The following NLGN1 variants were observed in gnomAD, a reference collection of about 807,000 sequenced individuals.
The protein encoded by NLGN1 is neuroligin 1.
NLGN1 carries 12 observed loss-of-function variants against 65.5 expected under a neutral mutation model. That is an observed-to-expected ratio of 0.18 (90% CI 0.12 to 0.30). NLGN1 has a LOEUF of 0.30. Ranked by LOEUF, NLGN1 falls within the 10% of genes least tolerant of loss-of-function variation. NLGN1 has a pLI of 1.00. For synonymous variants in NLGN1, 350 were observed against 359.5 expected (o/e 0.97, Z 0.30); for missense variants, 750 against 1,007.1 (o/e 0.74, Z 3.46).
chr3:174,221,617 TA>T (rs1738670579), intron 4 of NLGN1, among the ~76,000 whole-genome samples: 2 of 147,400 alleles, frequency 1.4e-5, no homozygotes, highest in African/African-American at 2.5e-5. Flanking sequence ...TTTTTTTTTC[TA>T]AAAACTGGGG....
intron 4 of NLGN1, among the ~76,000 whole-genome samples, chr3:174,087,216 C>T (rs1033781256): frequency 2.0e-5 from 3 of 152,080 alleles, no homozygotes; most frequent in South Asian, 4.1e-4. Context: ...CAACAAACCC[C>T]GTGACATGAG....
chr3:173,902,431 A>T (rs1451499208), intron 4 of NLGN1, among the ~76,000 whole-genome samples: 1 of 152,156 alleles, frequency 6.6e-6, no homozygotes, highest in Non-Finnish European at 1.5e-5. Context: ...GGATTTTAAA[A>T]ATGTGATATC....
intron 4 of NLGN1, among the ~76,000 whole-genome samples, chr3:174,134,803 G>A (rs900754520): frequency 8.5e-5 from 13 of 152,118 alleles, no homozygotes; most frequent in Non-Finnish European, 4.4e-5. Context: ...CTGACCAGTG[G>A]AGACACAAGT....
chr3:173,423,292 C>T (rs1488920322), intron 1 of NLGN1, among the ~76,000 whole-genome samples: 2 of 152,170 alleles, frequency 1.3e-5, no homozygotes, highest in African/African-American at 2.4e-5. Flanking sequence ...TCATTCTGCC[C>T]TTGGCTCCTC....
chr3:173,450,735 G>T (rs1029305292), intron 2 of NLGN1, among the ~76,000 whole-genome samples: 3 of 152,070 alleles, frequency 2.0e-5, no homozygotes, highest in Non-Finnish European at 4.4e-5. Context: ...ACATAGTCCC[G>T]TATTTCTTGG....
intron 3 of NLGN1, among the ~76,000 whole-genome samples, chr3:173,795,460 T>G (rs78593790): frequency 2.2e-4 from 34 of 152,288 alleles, no homozygotes; most frequent in African/African-American, 7.9e-4. Context: ...ATAAATATAG[T>G]AATATCAAAT....
At chr3:173,500,512 T>C (rs192279344) in intron 2 of NLGN1, among the ~76,000 whole-genome samples, 2 of 152,158 alleles carry the variant, frequency 1.3e-5, no homozygotes, top group Non-Finnish European at 2.9e-5. Context: ...TCTAAAATTC[T>C]CTTTTTTTTG....
intron 4 of NLGN1, among the ~76,000 whole-genome samples, chr3:174,168,806 C>G (rs1728009697): frequency 6.6e-6 from 1 of 152,090 alleles, no homozygotes; most frequent in Admixed American, 6.6e-5. Flanking sequence ...AGTATTAGCA[C>G]CAAGAAAGAA....
Position 173,571,542 on chromosome 3 carries a change from T to G in NLGN1, c.-320-32737T>G, listed in dbSNP as rs555664217. The stretch of plus-strand genomic sequence containing the variant: ...TGTACTGGACAATTTTATCCATAGT[T>G]TTCTAGATTTATCAGAATGAATTTT... On this transcript the variant is annotated intron_variant, in intron 2 of 6. Coordinates refer to ENST00000457714, the Ensembl canonical transcript of NLGN1. Among the ~76,000 whole-genome samples, 4 of 152,338 alleles carry G rather than the reference T, an allele frequency of 2.6e-5. No individual in the cohort carries two copies. The South Asian group carries it at 8.3e-4, about 32-fold the overall frequency.
rs958544878 is a variant in NLGN1 at position 174,100,181 on chromosome 3, T to C, written c.647-175134T>C. ...CTCAAAATGTAATCTTGTGCTGTTA[T>C]TTTTGTTTCCATTGTGTGATGCCAG... On this transcript the variant is annotated intron_variant, in intron 4 of 6. Coordinates refer to ENST00000457714, the Ensembl canonical transcript of NLGN1. Among the ~76,000 whole-genome samples, 4 of 152,242 alleles carry C rather than the reference T, an allele frequency of 2.6e-5. No individual in the cohort carries two copies. The East Asian group carries it at 7.7e-4, about 29-fold the overall frequency.
intron 2 of NLGN1, among the ~76,000 whole-genome samples, chr3:173,567,788 G>A (rs1743937332): frequency 6.6e-6 from 1 of 151,850 alleles, no homozygotes; most frequent in Non-Finnish European, 1.5e-5. Flanking sequence ...AATTTCTAGA[G>A]GAAGGATAAT....
intron 1 of NLGN1, among the ~76,000 whole-genome samples, chr3:173,403,014 A>C (rs1717984364): frequency 1.3e-5 from 2 of 152,134 alleles, no homozygotes; most frequent in Non-Finnish European, 2.9e-5. Context: ...CAAACAAACT[A>C]TCTGTCCTTC....
chr3:174,140,338 A>G (rs906674246), intron 4 of NLGN1, among the ~76,000 whole-genome samples: 1 of 152,148 alleles, frequency 6.6e-6, no homozygotes, highest in African/African-American at 2.4e-5. Context: ...TATTTATTTC[A>G]TGCAGAACTT....
intron 4 of NLGN1, among the ~76,000 whole-genome samples, chr3:174,111,317 C>T (rs535411044): frequency 2.0e-4 from 30 of 151,844 alleles, no homozygotes; most frequent in African/African-American, 7.0e-4. Context: ...CTGAATTGAT[C>T]GTATGTAAGA....
intron 4 of NLGN1, among the ~76,000 whole-genome samples, chr3:174,270,516 AAAGAGAAACTAATC>A (rs1749205170): frequency 6.6e-6 from 1 of 151,916 alleles, no homozygotes; most frequent in Non-Finnish European, 1.5e-5. Flanking sequence ...AAACAGAAAT[AAAGAGAAACTAATC>A]ATATTCTAGC....
rs181728595 is a variant in NLGN1 at position 174,112,812 on chromosome 3, A to G, written c.647-162503A>G. Among the ~76,000 whole-genome samples the G allele has an allele frequency of 5.3e-5, 8 of 152,058 alleles. No homozygotes were observed. The East Asian group carries it at 1.5e-3, about 29-fold the overall frequency. On this transcript the variant is annotated intron_variant, in intron 4 of 6. Transcript: ENST00000457714. ...TTTTATTTTAGACCCATTATTGATTAAAGAATTTGACACGGTGATTAGTAT... is the reference window on the plus strand; with the variant it reads ...TTTTATTTTAGACCCATTATTGATTGAAGAATTTGACACGGTGATTAGTAT...
intron 4 of NLGN1, among the ~76,000 whole-genome samples, chr3:174,064,229 T>C (rs1738011627): frequency 6.6e-6 from 1 of 152,034 alleles, no homozygotes; most frequent in Non-Finnish European, 1.5e-5. Flanking sequence ...ATAGAAAGCT[T>C]CATGAAGACA....
At chr3:174,123,985 A>G (rs1334440550) in intron 4 of NLGN1, among the ~76,000 whole-genome samples, 6 of 152,048 alleles carry the variant, frequency 3.9e-5, no homozygotes, top group Non-Finnish European at 8.8e-5. Context: ...CTCTATCTAG[A>G]GGTAGGGTCT....
At chr3:174,269,484 G>A (rs1324997023) in intron 4 of NLGN1, among the ~76,000 whole-genome samples, 1 of 151,740 alleles carries the variant, frequency 6.6e-6, no homozygotes, top group Non-Finnish European at 1.5e-5. Context: ...GTCTTCAGAG[G>A]CTCATCCATG....
Sources: gnomAD v4.1 joint callset for allele counts (sites outside exome capture counted in the v4.1 genomes callset) on GRCh38, gnomAD v4.1.1 for gene constraint, MANE v1.5 for transcripts, NCBI Gene and HGNC (gene_info 2026-07-23, HGNC 2026-07-21) for gene names.